VAV3: variants seen among roughly 807,000 people sequenced by gnomAD.
VAV3 encodes the protein vav guanine nucleotide exchange factor 3, also known as guanine nucleotide exchange factor VAV3.
In VAV3, 94 loss-of-function variants were observed where a neutral mutation model predicts 131.2. The ratio of observed to expected loss-of-function variants is 0.72; its 90% CI spans 0.61 to 0.85. The LOEUF (loss-of-function observed/expected upper bound fraction) is 0.85, where lower values mean the gene tolerates loss of function less well. Among genes scored for constraint, VAV3 ranks in the 40% least tolerant of loss-of-function variants. The pLI is 0.00. For synonymous variants in VAV3, 349 were observed against 342.0 expected (o/e 1.02, Z -0.22); for missense variants, 939 against 1,002.7 (o/e 0.94, Z 0.86).
rs1467945553 is a variant in VAV3, at chr1:107,765,097, T to C, written c.900A>G (p.Glu300=). ...GCACCTCTAATTTCAGTTTGACATCTTCTTTTGTCTTAGAAATGTAGTCTA... is the reference window on the plus strand; with the variant it reads ...GCACCTCTAATTTCAGTTTGACATCCTCTTTTGTCTTAGAAATGTAGTCTA... The part of the protein sequence containing the change: ...SSLDYISKTK[E]DVKLKLEECS... Residue 300 remains glutamate (E), a synonymous_variant, in exon 9 of 27, where the codon GAA becomes GAG. Transcript: ENST00000370056. 1.2e-6 allele frequency: 2 copies of C among 1,613,220 alleles called. No individual in the cohort carries two copies. The highest frequency in any genetic ancestry group is 2.2e-5 in the South Asian group (2 of 91,002).
chr1:107,652,318 A>G (rs1246963447), intron 19 of VAV3, among the ~76,000 whole-genome samples: 1 of 152,182 alleles, frequency 6.6e-6, no homozygotes, highest in Non-Finnish European at 1.5e-5. Flanking sequence ...GGAGGCATGA[A>G]TAATCCACCC....
chr1:107,571,878 G>A lies in VAV3; in HGVS notation c.*1453C>T, dbSNP rs893138574. The A allele has an allele frequency of 2.0e-5, 3 of 152,608 alleles. No individual in the cohort carries two copies. The highest frequency in any genetic ancestry group is 2.9e-5 in the Non-Finnish European group (2 of 68,026). The allele number at this position is 152,608 out of a possible 1,614,324, so 9.5% of individuals were successfully genotyped here. A position where few individuals can be genotyped will look rare whatever the true frequency, so the allele number is the denominator to read the frequency against. The stretch of plus-strand genomic sequence containing the variant: ...GAACCTTGAGTTCTGGCACCCAGAC[G>A]GATTGATGAGAGGGCAGGCTACACC... On this transcript the variant is annotated 3_prime_UTR_variant, in exon 27 of 27. Coordinates refer to ENST00000370056, the MANE Select transcript of VAV3 (RefSeq NM_006113.5).
chr1:107,699,659 G>A (rs769850514), intron 17 of VAV3, among the ~76,000 whole-genome samples: 3 of 152,140 alleles, frequency 2.0e-5, no homozygotes, highest in African/African-American at 4.8e-5. Context: ...GCAGCAGACC[G>A]CTGCCTGGGC....
chr1:107,769,633 T>C (rs1447852297), intron 6 of VAV3, among the ~76,000 whole-genome samples: 1 of 152,184 alleles, frequency 6.6e-6, no homozygotes, highest in African/African-American at 2.4e-5. Flanking sequence ...TAATGCCTGA[T>C]TCATATACCT....
chr1:107,944,489 A>G (rs996413696), intron 1 of VAV3, among the ~76,000 whole-genome samples: 5 of 152,208 alleles, frequency 3.3e-5, no homozygotes, highest in Non-Finnish European at 7.3e-5. Context: ...TTATAACCTG[A>G]ATTCTTTGTT....
chr1:107,899,665 C>T (rs1671766238), intron 1 of VAV3, among the ~76,000 whole-genome samples: 1 of 152,218 alleles, frequency 6.6e-6, no homozygotes, highest in African/African-American at 2.4e-5. Flanking sequence ...TGCAGTGTTA[C>T]TTCATCTAAT....
At chr1:107,785,538 G>T (rs1196656755) in intron 2 of VAV3, 11 of 1,275,944 alleles carry the variant, frequency 8.6e-6, no homozygotes, top group Middle Eastern at 2.3e-4. Context: ...GGTTCAAGAA[G>T]GGGTCCACGG....
chr1:107,819,461 C>T (rs1453042482), intron 2 of VAV3, among the ~76,000 whole-genome samples: 2 of 150,850 alleles, frequency 1.3e-5, no homozygotes, highest in African/African-American at 2.4e-5. Context: ...TTGCCTTGGG[C>T]CAGGAGTTCA....
intron 2 of VAV3, among the ~76,000 whole-genome samples, chr1:107,788,131 G>C (rs184570382): frequency 1.8e-4 from 27 of 152,044 alleles, no homozygotes; most frequent in African/African-American, 5.8e-4. Context: ...TCAATTATTG[G>C]AATAGCTTCC....
intron 15 of VAV3, among the ~76,000 whole-genome samples, chr1:107,712,614 G>A (rs894375744): frequency 6.6e-6 from 1 of 152,120 alleles, no homozygotes; most frequent in Admixed American, 6.5e-5. Context: ...ATATGTGCAA[G>A]GACTTGGTAT....
At chr1:107,739,939 G>T (rs1432869006) in intron 15 of VAV3, among the ~76,000 whole-genome samples, 2 of 152,126 alleles carry the variant, frequency 1.3e-5, no homozygotes, top group Non-Finnish European at 2.9e-5. Flanking sequence ...GGCACAAATG[G>T]TATTGCTGCT....
intron 1 of VAV3, among the ~76,000 whole-genome samples, chr1:107,890,199 C>A (rs1671247432): frequency 6.6e-6 from 1 of 152,158 alleles, no homozygotes; most frequent in African/African-American, 2.4e-5. Flanking sequence ...TCGGAGTCCA[C>A]AGTGCTAACC....
At chr1:107,757,119 ATATATATATGTTTGTG>A in intron 11 of VAV3, 126 bp downstream of exon 11, 2 of 519,720 alleles carry the variant, frequency 3.8e-6, no homozygotes, top group South Asian at 8.3e-5. Flanking sequence ...ATTTATGTGT[ATATATATATGTTTGTG>A]TATATATATG....
At chr1:107,821,293 C>T (rs1557866365) in intron 2 of VAV3, among the ~76,000 whole-genome samples, 1 of 151,884 alleles carries the variant, frequency 6.6e-6, no homozygotes, top group African/African-American at 2.4e-5. Context: ...CATTAAAATA[C>T]AAAAAAGAGT....
chr1:107,940,280 A>G (rs1453541620), intron 1 of VAV3, among the ~76,000 whole-genome samples: 1 of 152,210 alleles, frequency 6.6e-6, no homozygotes, highest in African/African-American at 2.4e-5. Flanking sequence ...AAAGAGACCA[A>G]AGAATTATAA....
chr1:107,863,573 C>T (rs1669845619), intron 2 of VAV3, among the ~76,000 whole-genome samples: 1 of 152,186 alleles, frequency 6.6e-6, no homozygotes. Context: ...CCTGTTGCAT[C>T]TTACACTCAA....
At chr1:107,778,137 T>C (rs1040631683) in intron 3 of VAV3, among the ~76,000 whole-genome samples, 1 of 152,176 alleles carries the variant, frequency 6.6e-6, no homozygotes, top group Non-Finnish European at 1.5e-5. Context: ...ATCAAAATAA[T>C]AAATAAGCTT....
chr1:107,794,830 C>T (rs1348418347), intron 2 of VAV3, among the ~76,000 whole-genome samples: 1 of 152,178 alleles, frequency 6.6e-6, no homozygotes, highest in South Asian at 2.1e-4. Flanking sequence ...AGAACTGGCA[C>T]AGAGAAAATA....
chr1:107,761,922 TC>T (rs1664458807), intron 9 of VAV3, among the ~76,000 whole-genome samples: 1 of 152,164 alleles, frequency 6.6e-6, no homozygotes, highest in Admixed American at 6.5e-5. Flanking sequence ...AATTTCACCC[TC>T]TTCTTTCCTA....
Sources: gnomAD v4.1 joint callset for allele counts (sites outside exome capture counted in the v4.1 genomes callset) on GRCh38, gnomAD v4.1.1 for gene constraint, MANE v1.5 for transcripts, NCBI Gene and HGNC (gene_info 2026-07-23, HGNC 2026-07-21) for gene names.